The following TTC17 variants were observed in gnomAD, a reference collection of about 807,000 sequenced individuals.
TTC17 encodes tetratricopeptide repeat protein 17.
In TTC17, 58 loss-of-function variants were observed where a neutral mutation model predicts 143.8. The observed-to-expected ratio is 0.40, with a 90% CI of 0.33 to 0.50. TTC17 has a LOEUF of 0.50. TTC17 is among the 20% of genes least tolerant of loss of function. The pLI is 0.49. For missense variants in TTC17, 1,273 were observed against 1,392.5 expected, an observed-to-expected ratio of 0.91 and a Z score of 1.37; for synonymous variants, 501 against 497.8, an observed-to-expected ratio of 1.01 and a Z score of -0.09.
intron 21 of TTC17, among the ~76,000 whole-genome samples, chr11:43,488,422 T>G (rs1473977820): frequency 1.3e-5 from 2 of 151,604 alleles, no homozygotes; most frequent in East Asian, 3.9e-4. Context: ...AAATCCAAAG[T>G]TAGACCTAAA....
intron 1 of TTC17, among the ~76,000 whole-genome samples, chr11:43,370,854 T>C (rs746725830): frequency 3.3e-5 from 5 of 152,174 alleles, no homozygotes; most frequent in Non-Finnish European, 5.9e-5. Context: ...TTGTCCAGTC[T>C]GCAGTGCAGT....
intron 21 of TTC17, among the ~76,000 whole-genome samples, chr11:43,484,168 C>T (rs964090577): frequency 2.6e-5 from 4 of 151,934 alleles, no homozygotes; most frequent in African/African-American, 9.7e-5. Context: ...AAATTAATGG[C>T]ATAAGTGTAA....
At chr11:43,428,415 C>G (rs1947077913) in intron 16 of TTC17, among the ~76,000 whole-genome samples, 1 of 152,132 alleles carries the variant, frequency 6.6e-6, no homozygotes, top group Admixed American at 6.5e-5. Flanking sequence ...GATATGTAAT[C>G]TGATCATTTA....
intron 23 of TTC17, among the ~76,000 whole-genome samples, chr11:43,493,191 T>C (rs948711441): frequency 3.9e-5 from 6 of 152,236 alleles, no homozygotes; most frequent in South Asian, 4.1e-4. Flanking sequence ...TAACTCTAAG[T>C]AAAAGATTAA....
intron 18 of TTC17, chr11:43,446,769 T>C (rs1947551144): frequency 2.7e-6 from 2 of 741,252 alleles, no homozygotes; most frequent in African/African-American, 3.8e-5. Context: ...CAGAAAACCC[T>C]TCCCAGACAA....
chr11:43,459,779 A>G (rs959525974), intron 21 of TTC17, among the ~76,000 whole-genome samples: 1 of 152,188 alleles, frequency 6.6e-6, no homozygotes, highest in Non-Finnish European at 1.5e-5. Flanking sequence ...TACCCATACA[A>G]CCATTCTATT....
intron 1 of TTC17, chr11:43,370,489 G>T (rs1393229017): frequency 6.6e-6 from 1 of 150,638 alleles, no homozygotes; most frequent in Admixed American, 6.8e-5. Flanking sequence ...ATACACGAGG[G>T]AAAAATACAA....
At position 43,376,717 on chromosome 11, in the gene TTC17, C is replaced by A. The variant is rs370276170; in HGVS notation, c.160-2516C>A. Among the ~76,000 whole-genome samples the A allele has an allele frequency of 2.0e-5, 3 of 152,258 alleles. No homozygotes were observed. In the East Asian group the frequency reaches 5.8e-4, roughly 29 times the overall value. On this transcript the variant is annotated intron_variant, in intron 1 of 23. Coordinates refer to ENST00000039989, the MANE Select transcript of TTC17 (RefSeq NM_018259.6). Reference sequence around the variant, plus strand: ...GACTCTAAACATTGACTCAGGACATCGACTCATAGTGGGCCTGGCTTATAG... The same window carrying A: ...GACTCTAAACATTGACTCAGGACATAGACTCATAGTGGGCCTGGCTTATAG...
rs577045842 is a variant in TTC17, at chr11:43,493,248, A to G, written c.3295-525A>G. ...TTTCCCAATCTTTGTTGGCATCTTT[A>G]AATGTTAAAGAGAATTTTAAAACTC... is the stretch of plus-strand genomic sequence containing the variant. On this transcript the variant is annotated intron_variant, in intron 23 of 23. Coordinates refer to ENST00000039989, the MANE Select transcript of TTC17 (RefSeq NM_018259.6). Among the ~76,000 whole-genome samples, 20 of 152,338 alleles carry G rather than the reference A, an allele frequency of 1.3e-4. No homozygotes were observed. The South Asian group carries it at 3.7e-3, about 28-fold the overall frequency.
At chr11:43,417,314 G>A (rs1946800505) in intron 16 of TTC17, among the ~76,000 whole-genome samples, 2 of 152,052 alleles carry the variant, frequency 1.3e-5, no homozygotes. Context: ...AACCTCTGAA[G>A]GATGATTAGG....
chr11:43,373,115 T>A (rs1241680064), intron 1 of TTC17, among the ~76,000 whole-genome samples: 2 of 152,294 alleles, frequency 1.3e-5, no homozygotes, highest in South Asian at 4.1e-4. Context: ...AATTTTTATT[T>A]TCTCCTTCAT....
chr11:43,359,277 A>C, intron 1 of TTC17, 164 bp downstream of exon 1: 2 of 846,028 alleles, frequency 2.4e-6, no homozygotes, highest in Non-Finnish European at 3.4e-6. Flanking sequence ...CCAGGCAGGC[A>C]CTTCCCGCTC....
chr11:43,483,301 G>A (rs1216138327), intron 21 of TTC17, among the ~76,000 whole-genome samples: 1 of 151,954 alleles, frequency 6.6e-6, no homozygotes. Context: ...CCAGACATTA[G>A]AATAAGGAAT....
rs146368715 is a variant in TTC17, at chr11:43,431,427, A to G, written c.2252-11898A>G. ...GTTCCTATTTCTCCACATCCTCTCC[A>G]GCATCTGTTGTTTCCTGACTTTTTA... is the stretch of plus-strand genomic sequence containing the variant. On this transcript the variant is annotated intron_variant, in intron 16 of 23. Coordinates refer to ENST00000039989, the MANE Select transcript of TTC17 (RefSeq NM_018259.6). Among the ~76,000 whole-genome samples the G allele has an allele frequency of 8.0e-3, 1,213 of 152,316 alleles. 25 individuals carry two copies. The highest frequency in any genetic ancestry group is 0.028 in the African/African-American group (1,154 of 41,572).
At chr11:43,490,102 A>G (rs1159619069) in intron 21 of TTC17, 137 bp from the exon 22 acceptor site, 2 of 1,202,102 alleles carry the variant, frequency 1.7e-6, no homozygotes, top group Non-Finnish European at 2.3e-6. Context: ...CAGGTGGAAC[A>G]GAAAGTGCTG....
At chr11:43,369,556 T>C (rs144244829) in intron 1 of TTC17, among the ~76,000 whole-genome samples, 76 of 152,280 alleles carry the variant, frequency 5.0e-4, no homozygotes, top group Admixed American at 4.5e-3. Flanking sequence ...TTTCATTAAT[T>C]TGAAGTTTGT....
intron 16 of TTC17, among the ~76,000 whole-genome samples, chr11:43,433,196 T>C (rs1206473325): frequency 1.3e-5 from 2 of 152,166 alleles, no homozygotes; most frequent in Non-Finnish European, 2.9e-5. Flanking sequence ...AGACAGGGTT[T>C]CACCATGTTG....
intron 21 of TTC17, among the ~76,000 whole-genome samples, chr11:43,462,891 G>C (rs1317836890): frequency 6.9e-6 from 1 of 145,202 alleles, no homozygotes; most frequent in Non-Finnish European, 1.5e-5. Context: ...GCTGCCATAT[G>C]TAAGCACTGA....
At chr11:43,374,602 A>G (rs936793359) in intron 1 of TTC17, among the ~76,000 whole-genome samples, 1 of 152,186 alleles carries the variant, frequency 6.6e-6, no homozygotes, top group Non-Finnish European at 1.5e-5. Flanking sequence ...GGCAAACGAC[A>G]CAAACAGGCA....
Sources: gnomAD v4.1 joint callset for allele counts (sites outside exome capture counted in the v4.1 genomes callset) on GRCh38, gnomAD v4.1.1 for gene constraint, MANE v1.5 for transcripts, NCBI Gene and HGNC (gene_info 2026-07-23, HGNC 2026-07-21) for gene names.